The following TTLL5 variants were observed in gnomAD, a reference collection of about 807,000 sequenced individuals.
The protein encoded by TTLL5 is tubulin tyrosine ligase like 5.
TTLL5 carries 132 observed loss-of-function variants against 168.4 expected under a neutral mutation model. The observed-to-expected ratio is 0.78, with a 90% CI of 0.68 to 0.91. The LOEUF (loss-of-function observed/expected upper bound fraction) is 0.91, where lower values mean the gene tolerates loss of function less well. Ranked by LOEUF, TTLL5 falls within the 40% of genes least tolerant of loss-of-function variation. The pLI is 0.00. For synonymous variants in TTLL5, 546 were observed against 558.6 expected (o/e 0.98, Z 0.32); for missense variants, 1,545 against 1,581.5 (o/e 0.98, Z 0.39).
chr14:75,756,631 C>T (rs1038859198), intron 18 of TTLL5, among the ~76,000 whole-genome samples: 4 of 151,884 alleles, frequency 2.6e-5, no homozygotes, highest in Non-Finnish European at 5.9e-5. Context: ...CCTCAGCCTC[C>T]CGAGCAGCTG....
chr14:75,804,274 A>C (rs1456926621), intron 27 of TTLL5, among the ~76,000 whole-genome samples: 1 of 152,240 alleles, frequency 6.6e-6, no homozygotes, highest in Non-Finnish European at 1.5e-5. Flanking sequence ...ATGCGGAGGT[A>C]CATAAAGCTT....
Position 75,717,942 on chromosome 14 carries a change from G to A in TTLL5, c.822G>A (p.Lys274=), listed in dbSNP as rs776319636. 3 of 1,613,504 alleles carry A rather than the reference G, an allele frequency of 1.9e-6. No homozygotes were observed. Among genetic ancestry groups the A allele is most frequent in the Non-Finnish European group, 2.5e-6 (3 of 1,179,872 alleles). Residue 274 remains lysine (K), a synonymous_variant, in exon 10 of 32, where the codon AAG becomes AAA. Transcript: ENST00000298832. ...ATCTGACAAACTACAGTGTCAACAA[G>A]AAAAGTGGAGATTACGTCAGGTACT... The part of the protein sequence containing the change: ...FMHLTNYSVN[K]KSGDYVSCDD...
At chr14:75,754,026 T>G (rs1007047690) in intron 18 of TTLL5, among the ~76,000 whole-genome samples, 3 of 152,202 alleles carry the variant, frequency 2.0e-5, no homozygotes, top group African/African-American at 7.2e-5. Flanking sequence ...CATATTTCTT[T>G]ACTGTTTTTA....
At chr14:75,743,932 C>G (rs1306374238) in intron 15 of TTLL5, among the ~76,000 whole-genome samples, 3 of 152,114 alleles carry the variant, frequency 2.0e-5, no homozygotes, top group African/African-American at 7.2e-5. Context: ...GCCCCACTCT[C>G]ATGACTTCAT....
intron 27 of TTLL5, among the ~76,000 whole-genome samples, chr14:75,802,564 C>T (rs2140370298): frequency 6.6e-6 from 1 of 152,310 alleles, no homozygotes; most frequent in East Asian, 1.9e-4. Flanking sequence ...TCCTGCAAAA[C>T]TTTTTATTTC....
intron 3 of TTLL5, among the ~76,000 whole-genome samples, chr14:75,672,116 G>T (rs1246228166): frequency 6.6e-6 from 1 of 152,156 alleles, no homozygotes; most frequent in East Asian, 1.9e-4. Flanking sequence ...CAACTGAAAT[G>T]ATATTTCCCC....
chr14:75,866,404 TCA>T (rs778531222), intron 29 of TTLL5, among the ~76,000 whole-genome samples: 4 of 151,900 alleles, frequency 2.6e-5, no homozygotes, highest in East Asian at 1.9e-4. Flanking sequence ...TTGGTATAAC[TCA>T]CAGTGTGGTT....
intron 27 of TTLL5, among the ~76,000 whole-genome samples, chr14:75,814,072 G>A (rs1894232369): frequency 6.6e-6 from 1 of 152,102 alleles, no homozygotes; most frequent in African/African-American, 2.4e-5. Flanking sequence ...GAAACTTTTT[G>A]AGCCACCTAC....
intron 29 of TTLL5, among the ~76,000 whole-genome samples, chr14:75,868,806 G>T (rs1275779406): frequency 6.6e-6 from 1 of 152,154 alleles, no homozygotes; most frequent in Non-Finnish European, 1.5e-5. Flanking sequence ...CAGCTGCTGT[G>T]TGTTTGTGTT....
intron 26 of TTLL5, among the ~76,000 whole-genome samples, chr14:75,788,275 G>A (rs1002915335): frequency 2.2e-4 from 34 of 151,980 alleles, no homozygotes; most frequent in African/African-American, 8.2e-4. Flanking sequence ...ATAAAGATAA[G>A]AGCAATAATT....
intron 18 of TTLL5, among the ~76,000 whole-genome samples, chr14:75,756,662 C>CA (rs1890281589): frequency 6.6e-6 from 1 of 151,904 alleles, no homozygotes; most frequent in Non-Finnish European, 1.5e-5. Context: ...CCCATGACAC[C>CA]ACACCTGGCT....
At position 75,681,605 on chromosome 14, in the gene TTLL5, T is replaced by C; in HGVS notation, c.242T>C (p.Leu81Pro). The C allele has an allele frequency of 6.2e-7, 1 of 1,613,494 alleles. No individual in the cohort carries two copies. The highest frequency in any genetic ancestry group is 1.3e-5 in the African/African-American group (1 of 75,042). ...RTDSRLVRSI[L>P]TAHGFHEVHP... Reference sequence around the variant, plus strand: ...GACAGTCGCCTAGTACGCAGCATTCTGACAGCCCATGGATTTCATGAAGTA... The same window carrying C: ...GACAGTCGCCTAGTACGCAGCATTCCGACAGCCCATGGATTTCATGAAGTA... Residue 81 changes from leucine (L) to proline (P), a missense_variant, in exon 4 of 32, where the codon CTG (leucine) becomes CCG (proline). Transcript: ENST00000298832.
chr14:75,699,422 T>C, intron 7 of TTLL5, 152 bp downstream of exon 7: 1 of 722,296 alleles, frequency 1.4e-6, no homozygotes, highest in Admixed American at 3.0e-5. Context: ...AGGTATAACT[T>C]GACTTGTTTG....
rs1229103098 is a variant in TTLL5 at position 75,766,297 on chromosome 14, C to T, written c.1944C>T (p.Cys648=). 1 of 1,613,932 alleles carries T rather than the reference C, an allele frequency of 6.2e-7. No individual in the cohort carries two copies. The highest frequency in any genetic ancestry group is 8.5e-7 in the Non-Finnish European group (1 of 1,179,986). ...GGAATAATAAAGGTGGACACTGCTG[C>T]AAACTTGAGACTCAGGAGCTAGAGC... ...REWNNKGGHC[C]KLETQELEPK... Residue 648 remains cysteine (C), a synonymous_variant, in exon 20 of 32, where the codon TGC becomes TGT. Transcript: ENST00000298832.
rs181675431 is a variant in TTLL5 at position 75,890,782 on chromosome 14, C to T, written c.3740+7880C>T. Among the ~76,000 whole-genome samples, 542 of 152,204 alleles carry T rather than the reference C, an allele frequency of 3.6e-3. 2 individuals are homozygous for T. The highest frequency in any genetic ancestry group is 0.02 in the Middle Eastern group (6 of 294). On this transcript the variant is annotated intron_variant, in intron 30 of 31. Transcript: ENST00000298832. Reference sequence around the variant, plus strand: ...TCACCCAGGCTGGAGTGCAGTGGCGCGATCTTGGCTCACTGCAGCCTCTGT... The same window carrying T: ...TCACCCAGGCTGGAGTGCAGTGGCGTGATCTTGGCTCACTGCAGCCTCTGT...
chr14:75,792,977 T>C lies in TTLL5; in HGVS notation c.3048T>C (p.Asp1016=). ...GIAKTQKEGE[D]ASLYSKRYNQ... Reference sequence around the variant, plus strand: ...CCAAAACACAAAAAGAGGGAGAAGATGCTTCTTTATATAGCAAACGGTACA... The same window carrying C: ...CCAAAACACAAAAAGAGGGAGAAGACGCTTCTTTATATAGCAAACGGTACA... Residue 1016 remains aspartate (D), a synonymous_variant, in exon 27 of 32, where the codon GAT becomes GAC. Transcript: ENST00000298832. 1.2e-6 allele frequency: 2 copies of C among 1,613,386 alleles called. No homozygotes were observed. Among genetic ancestry groups the C allele is most frequent in the Non-Finnish European group, 1.7e-6 (2 of 1,179,486 alleles).
intron 10 of TTLL5, 62 bp from the exon 11 acceptor site, chr14:75,719,673 A>T (rs1446235922): frequency 1.5e-6 from 2 of 1,375,770 alleles, no homozygotes; most frequent in African/African-American, 1.5e-5. Context: ...ATTTGCAAAG[A>T]GTCTTGTTAT....
chr14:75,736,615 A>G (rs1447354453), intron 15 of TTLL5, among the ~76,000 whole-genome samples: 8 of 152,150 alleles, frequency 5.3e-5, no homozygotes, highest in South Asian at 4.1e-4. Flanking sequence ...AGATCTTGCT[A>G]TTGTCAAGAG....
chr14:75,820,083 T>C lies in TTLL5; in HGVS notation c.3248T>C (p.Ile1083Thr), dbSNP rs1309489179. 6 of 1,610,154 alleles carry C rather than the reference T, an allele frequency of 3.7e-6. No individual in the cohort carries two copies. Among genetic ancestry groups the C allele is most frequent in the African/African-American group, 1.3e-5 (1 of 74,650 alleles). Reference protein sequence around the residue: ...ASAPPTLRPIISPSGPTWSTQ... With the variant: ...ASAPPTLRPITSPSGPTWSTQ... ...GCTCCCCCAACCCTCCGACCCATCATCAGTCCTAGTGGCCCGACATGGTCT... is the reference window on the plus strand; with the variant it reads ...GCTCCCCCAACCCTCCGACCCATCACCAGTCCTAGTGGCCCGACATGGTCT... Residue 1083 changes from isoleucine to threonine, a missense_variant, in exon 28 of 32, where the codon ATC (isoleucine) becomes ACC (threonine). Coordinates refer to ENST00000298832, the MANE Select transcript of TTLL5 (RefSeq NM_015072.5).
Sources: gnomAD v4.1 joint callset for allele counts (sites outside exome capture counted in the v4.1 genomes callset) on GRCh38, gnomAD v4.1.1 for gene constraint, MANE v1.5 for transcripts, NCBI Gene and HGNC (gene_info 2026-07-23, HGNC 2026-07-21) for gene names.